The following ADAMTSL1 variants were observed in gnomAD, a reference collection of about 807,000 sequenced individuals.
ADAMTSL1 encodes ADAMTS like 1, also known as ADAMTS-like protein 1.
In ADAMTSL1, 126 loss-of-function variants were observed where a neutral mutation model predicts 201.8. The ratio of observed to expected loss-of-function variants is 0.62; its 90% CI spans 0.54 to 0.72. ADAMTSL1 has a LOEUF of 0.72. Among genes scored for constraint, ADAMTSL1 ranks in the 30% least tolerant of loss-of-function variants. The pLI, the probability that ADAMTSL1 is intolerant of heterozygous loss-of-function variation, is 0.00. For missense variants in ADAMTSL1, 2,679 were observed against 2,277.8 expected (o/e 1.18, Z -3.59); for synonymous variants, 1,121 against 903.4 (o/e 1.24, Z -4.32).
At chr9:18,544,567 C>T (rs1820360857) in intron 3 of ADAMTSL1, among the ~76,000 whole-genome samples, 1 of 151,988 alleles carries the variant, frequency 6.6e-6, no homozygotes, top group Non-Finnish European at 1.5e-5. Flanking sequence ...CGGGGTTTAG[C>T]AATAGTTGTA....
At chr9:17,982,437 A>AC (rs1818744199) in intron 1 of ADAMTSL1, among the ~76,000 whole-genome samples, 1 of 151,808 alleles carries the variant, frequency 6.6e-6, no homozygotes. Context: ...ACATGGTGAA[A>AC]CCCCGTCTCT....
intron 4 of ADAMTSL1, among the ~76,000 whole-genome samples, chr9:18,616,774 A>G (rs1825724049): frequency 6.6e-6 from 1 of 152,060 alleles, no homozygotes; most frequent in African/African-American, 2.4e-5. Context: ...TTTTTGCTCC[A>G]TTCACTCATT....
intron 2 of ADAMTSL1, among the ~76,000 whole-genome samples, chr9:18,186,809 G>A (rs1828754789): frequency 6.6e-6 from 1 of 151,172 alleles, no homozygotes; most frequent in South Asian, 2.1e-4. Flanking sequence ...TATTGTGCCA[G>A]CAGTGCCTTC....
rs529570569 is a variant in ADAMTSL1, at chr9:17,921,148, T to C, written c.87+14226T>C. 2.0e-5 allele frequency among the ~76,000 whole-genome samples: 3 copies of C among 152,366 alleles called. No homozygotes were observed. In the East Asian group the frequency reaches 5.8e-4, roughly 29 times the overall value. On this transcript the variant is annotated intron_variant, in intron 1 of 29. Transcript: ENST00000680146. ...GTTCATCATCTCTTAAAATCTTTTG[T>C]ATTTATTTGTTTGTTATACTTTCTA...
intron 1 of ADAMTSL1, among the ~76,000 whole-genome samples, chr9:18,127,805 G>T (rs1825800966): frequency 6.6e-6 from 1 of 152,098 alleles, no homozygotes; most frequent in Non-Finnish European, 1.5e-5. Context: ...TGTTTTGGAA[G>T]TATTGTTTAA....
In ADAMTSL1 at chr9:17,973,983, T is replaced by C. The variant is rs757373564; in HGVS notation, c.87+67061T>C. Reference sequence around the variant, plus strand: ...TCTCTGTTTGTCTGTTATTGGTGTATAAGAATGCTTGTGATTTTTGCAAAT... The same window carrying C: ...TCTCTGTTTGTCTGTTATTGGTGTACAAGAATGCTTGTGATTTTTGCAAAT... On this transcript the variant is annotated intron_variant, in intron 1 of 29. Transcript: ENST00000680146. Among the ~76,000 whole-genome samples, 97 of 151,782 alleles carry C rather than the reference T, an allele frequency of 6.4e-4. 1 individual carries two copies. The highest frequency in any genetic ancestry group is 6.6e-4 in the Non-Finnish European group (45 of 67,918).
intron 2 of ADAMTSL1, among the ~76,000 whole-genome samples, chr9:18,287,081 A>G: frequency 6.6e-6 from 1 of 152,174 alleles, no homozygotes; most frequent in African/African-American, 2.4e-5. Context: ...TATGTCTGCC[A>G]TGGGTCAACT....
chr9:18,330,359 CA>C lies in ADAMTSL1; in HGVS notation c.207+166379del, dbSNP rs1834981237. ...TCCCTGATCCTGCCACTCTTGCATC[CA>C]TTGGCATTGTAGCCACCCCCTACAG... On this transcript the variant is annotated intron_variant, in intron 2 of 29. Coordinates refer to the ADAMTSL1 transcript ENST00000680146. Among the ~76,000 whole-genome samples the C allele has an allele frequency of 3.9e-5, 6 of 152,174 alleles. No individual in the cohort carries two copies. In the South Asian group the frequency reaches 1.2e-3, roughly 32 times the overall value.
chr9:18,423,288 C>G (rs1819045888), intron 2 of ADAMTSL1, among the ~76,000 whole-genome samples: 1 of 152,146 alleles, frequency 6.6e-6, no homozygotes, highest in Non-Finnish European at 1.5e-5. Context: ...TTACCCAGAA[C>G]CTGGGAAAGA....
chr9:18,545,767 T>G (rs1362892048), intron 3 of ADAMTSL1, among the ~76,000 whole-genome samples: 1 of 152,172 alleles, frequency 6.6e-6, no homozygotes, highest in African/African-American at 2.4e-5. Flanking sequence ...AAGCAGGGAT[T>G]TGAGAATAAT....
intron 2 of ADAMTSL1, among the ~76,000 whole-genome samples, chr9:18,267,503 C>G (rs1832164515): frequency 6.6e-6 from 1 of 152,048 alleles, no homozygotes; most frequent in Admixed American, 6.6e-5. Context: ...AAAATTTGTG[C>G]ATTACCATGC....
At chr9:18,599,691 C>T (rs1202943181) in intron 4 of ADAMTSL1, among the ~76,000 whole-genome samples, 1 of 151,910 alleles carries the variant, frequency 6.6e-6, no homozygotes, top group Non-Finnish European at 1.5e-5. Flanking sequence ...ATGCTCCAGC[C>T]AGATGCAGCC....
chr9:18,690,872 C>G (rs1831171171), intron 13 of ADAMTSL1, among the ~76,000 whole-genome samples: 2 of 152,186 alleles, frequency 1.3e-5, no homozygotes, highest in South Asian at 4.1e-4. Flanking sequence ...TAGAGAGCCA[C>G]TAGACTTGCT....
At chr9:17,934,777 A>G (rs1826935192) in intron 1 of ADAMTSL1, among the ~76,000 whole-genome samples, 1 of 151,846 alleles carries the variant, frequency 6.6e-6, no homozygotes, top group African/African-American at 2.4e-5. Flanking sequence ...GTTGTGATGG[A>G]TAAACTACCC....
intron 1 of ADAMTSL1, among the ~76,000 whole-genome samples, chr9:18,078,256 C>T (rs1158244697): frequency 1.3e-5 from 2 of 152,210 alleles, no homozygotes; most frequent in Admixed American, 6.5e-5. Context: ...TTTATAGTCG[C>T]GCAGTGGGGA....
At chr9:18,873,946 T>C (rs1827998956) in intron 23 of ADAMTSL1, among the ~76,000 whole-genome samples, 1 of 152,136 alleles carries the variant, frequency 6.6e-6, no homozygotes, top group Admixed American at 6.6e-5. Context: ...TGTGTTTCCA[T>C]TTGTGTCGTC....
chr9:18,026,944 T>C (rs148894899), intron 1 of ADAMTSL1, among the ~76,000 whole-genome samples: 4 of 152,128 alleles, frequency 2.6e-5, no homozygotes, highest in African/African-American at 7.2e-5. Context: ...TTGGGAGTTA[T>C]GTGTTTCCAG....
At chr9:18,710,883 C>A (rs1832541210) in intron 14 of ADAMTSL1, among the ~76,000 whole-genome samples, 1 of 151,900 alleles carries the variant, frequency 6.6e-6, no homozygotes, top group East Asian at 1.9e-4. Context: ...GAATATTGGG[C>A]CTTGTGACCA....
chr9:18,683,418 A>G (rs1161145467), intron 12 of ADAMTSL1, among the ~76,000 whole-genome samples: 1 of 150,056 alleles, frequency 6.7e-6, no homozygotes, highest in Non-Finnish European at 1.5e-5. Context: ...TTTTTGGTAG[A>G]GACGGGGTTT....
Sources: allele counts gnomAD v4.1 joint callset (sites outside exome capture counted in the v4.1 genomes callset), GRCh38; gene constraint gnomAD v4.1.1; transcripts MANE v1.5; gene names NCBI Gene and HGNC (gene_info 2026-07-23, HGNC 2026-07-21).